CIMIP6: variants seen among roughly 807,000 people sequenced by gnomAD.
CIMIP6 encodes the protein ciliary microtubule inner protein 6.
the CIMIP6 span, among the ~76,000 whole-genome samples, chr2:54,379,306 C>G: frequency 1.3e-5 from 2 of 152,204 alleles, no homozygotes; most frequent in Admixed American, 6.5e-5. Flanking sequence ...AAAAGGACGT[C>G]TGGGAAGCAT....
At chr2:54,373,799 A>G in the CIMIP6 span, among the ~76,000 whole-genome samples, 1 of 152,202 alleles carries the variant, frequency 6.6e-6, no homozygotes, top group Non-Finnish European at 1.5e-5. Flanking sequence ...CAGGTGAGTT[A>G]GGGCTTTGCC....
the CIMIP6 span, chr2:54,361,540 T>G: frequency 6.6e-6 from 1 of 152,236 alleles, no homozygotes; most frequent in Non-Finnish European, 1.5e-5. Context: ...TATATCTTTA[T>G]CCATTTATTC....
chr2:54,372,176 G>A, the CIMIP6 span, among the ~76,000 whole-genome samples: 1 of 152,156 alleles, frequency 6.6e-6, no homozygotes, highest in African/African-American at 2.4e-5. Flanking sequence ...AAACTTGCCT[G>A]TGGTCAAACT....
At chr2:54,368,359 T>C in the CIMIP6 span, among the ~76,000 whole-genome samples, 1 of 151,692 alleles carries the variant, frequency 6.6e-6, no homozygotes, top group African/African-American at 2.4e-5. Context: ...TTATATGCAC[T>C]AGAAAATAAC....
the CIMIP6 span, among the ~76,000 whole-genome samples, chr2:54,341,873 C>T: frequency 2.6e-5 from 4 of 152,260 alleles, no homozygotes; most frequent in Middle Eastern, 3.4e-3. Flanking sequence ...CAGAAGCAGG[C>T]GCTCTGACAA....
the CIMIP6 span, among the ~76,000 whole-genome samples, chr2:54,378,816 C>T: frequency 6.6e-6 from 1 of 152,168 alleles, no homozygotes; most frequent in Admixed American, 6.5e-5. Flanking sequence ...TCTTTGGACC[C>T]GCATGTCCTG....
the CIMIP6 span, among the ~76,000 whole-genome samples, chr2:54,364,200 C>T: frequency 2.8e-3 from 432 of 152,240 alleles, 2 homozygotes; most frequent in African/African-American, 0.01. Context: ...AAAGTCATAA[C>T]TGCCTGTCAG....
the CIMIP6 span, among the ~76,000 whole-genome samples, chr2:54,338,166 G>T: frequency 6.6e-6 from 1 of 151,996 alleles, no homozygotes; most frequent in Non-Finnish European, 1.5e-5. Flanking sequence ...GGGCACAGTG[G>T]CTCACACCTG....
At chr2:54,343,983 A>T in the CIMIP6 span, 12 of 1,034,810 alleles carry the variant, frequency 1.2e-5, no homozygotes, top group Admixed American at 2.1e-4. Flanking sequence ...CTTCTCTATG[A>T]AGTTGAAAAT....
At chr2:54,368,712 T>A in the CIMIP6 span, among the ~76,000 whole-genome samples, 4 of 152,194 alleles carry the variant, frequency 2.6e-5, no homozygotes, top group African/African-American at 9.7e-5. Context: ...CAACCATGTC[T>A]TATATGACAA....
the CIMIP6 span, chr2:54,358,928 T>A: frequency 8.9e-7 from 1 of 1,125,968 alleles, no homozygotes; most frequent in Non-Finnish European, 1.3e-6. Flanking sequence ...ATCTAATTTT[T>A]TGTCCTGACT....
chr2:54,363,480 G>A, the CIMIP6 span, among the ~76,000 whole-genome samples: 12 of 152,160 alleles, frequency 7.9e-5, no homozygotes, highest in Non-Finnish European at 1.5e-4. Context: ...TTTTCAAGTT[G>A]ATAAATGGCC....
chr2:54,383,988 C>T, the CIMIP6 span, among the ~76,000 whole-genome samples: 16 of 152,286 alleles, frequency 1.1e-4, no homozygotes, highest in African/African-American at 3.4e-4. Context: ...GGTGCAACCC[C>T]TCCATCTTGG....
the CIMIP6 span, among the ~76,000 whole-genome samples, chr2:54,331,750 A>G: frequency 4.2e-3 from 637 of 152,102 alleles, 2 homozygotes; most frequent in African/African-American, 0.014. Flanking sequence ...CATCCAGGTG[A>G]TTCTGATGTA....
At chr2:54,380,489 A>G in the CIMIP6 span, among the ~76,000 whole-genome samples, 1 of 152,122 alleles carries the variant, frequency 6.6e-6, no homozygotes, top group Non-Finnish European at 1.5e-5. Context: ...TCAAGGTTCC[A>G]GGTTCCAGCT....
chr2:54,350,476 G>C, the CIMIP6 span, among the ~76,000 whole-genome samples: 2 of 152,190 alleles, frequency 1.3e-5, no homozygotes, highest in South Asian at 2.1e-4. Flanking sequence ...TCTCCAGGTG[G>C]TCACTCCACG....
At chr2:54,343,841 A>G in the CIMIP6 span, 1 of 1,609,042 alleles carries the variant, frequency 6.2e-7, no homozygotes, top group Admixed American at 1.7e-5. Context: ...CCAGTCAAAC[A>G]CAGCAAGATG....
the CIMIP6 span, among the ~76,000 whole-genome samples, chr2:54,367,852 A>G: frequency 2.4e-4 from 36 of 152,204 alleles, no homozygotes; most frequent in Non-Finnish European, 4.6e-4. Context: ...ACTTACTTGC[A>G]ATATTTTCTT....
the CIMIP6 span, among the ~76,000 whole-genome samples, chr2:54,363,332 T>C: frequency 6.6e-6 from 1 of 151,616 alleles, no homozygotes; most frequent in Admixed American, 6.6e-5. Context: ...TTCCTGGGGG[T>C]CGGTAGCTAC....
Sources: gnomAD v4.1 joint callset for allele counts (sites outside exome capture counted in the v4.1 genomes callset) on GRCh38, gnomAD v4.1.1 for gene constraint, MANE v1.5 for transcripts, NCBI Gene and HGNC (gene_info 2026-07-23, HGNC 2026-07-21) for gene names.